TUSC3: variants seen among roughly 807,000 people sequenced by gnomAD.
The protein encoded by TUSC3 is tumor suppressor candidate 3.
Under a neutral mutation model 44.8 loss-of-function variants are expected in TUSC3, and 45 were observed. The ratio of observed to expected loss-of-function variants is 1.00; its 90% confidence interval spans 0.79 to 1.29. TUSC3 has a LOEUF of 1.29. Ranked by LOEUF, TUSC3 falls within the 50% of genes most tolerant of loss-of-function variation. The pLI is 0.00. For synonymous variants in TUSC3, 212 were observed against 152.9 expected (o/e 1.39, Z -2.85); for missense variants, 519 against 437.9 (o/e 1.19, Z -1.65).
rs543381177 is a variant in TUSC3 at position 15,626,954 on chromosome 8, C to T, written c.308+3705C>T. On this transcript the variant is annotated intron_variant, in intron 2 of 10. Coordinates refer to ENST00000503731, the MANE Select transcript of TUSC3 (RefSeq NM_006765.4). Reference sequence around the variant, plus strand: ...TGGAAGGGTCCTGATGAAACCCCACCTTCAAGCTTGGGAGGGCCTGAAGCC... The same window carrying T: ...TGGAAGGGTCCTGATGAAACCCCACTTTCAAGCTTGGGAGGGCCTGAAGCC... 1.3e-4 allele frequency among the ~76,000 whole-genome samples: 18 copies of T among 135,768 alleles called. 1 individual carries two copies. The highest frequency in any genetic ancestry group is 5.1e-4 in the African/African-American group (18 of 35,306). 89.1% of individuals were successfully genotyped at this position (135,768 alleles called of 152,430 possible).
chr8:15,797,281 G>A, the TUSC3 span, among the ~76,000 whole-genome samples: 64,045 of 152,000 alleles, frequency 0.42, 14,016 homozygotes, highest in Non-Finnish European at 0.45. Flanking sequence ...AAGGACAAGT[G>A]GAATGCCCAA....
intron 2 of TUSC3, among the ~76,000 whole-genome samples, chr8:15,522,965 A>C (rs1026956796): frequency 1.3e-4 from 20 of 152,138 alleles, no homozygotes; most frequent in African/African-American, 4.6e-4. Flanking sequence ...ATTGAAAACC[A>C]ATGCGAAGAT....
the TUSC3 span, among the ~76,000 whole-genome samples, chr8:15,839,656 G>A: frequency 3.3e-5 from 5 of 152,310 alleles, no homozygotes; most frequent in South Asian, 6.2e-4. Flanking sequence ...TCAGAGAAAT[G>A]CAAATCAAAA....
In TUSC3 at chr8:15,749,295, C is replaced by T. The variant is rs140122136; in HGVS notation, c.1028+830C>T. ...CTCCTCAAAGCCTACATTTCTTCCA[C>T]CTGTGAGCAGTGGACATTTTTAGAA... On this transcript the variant is annotated intron_variant, in intron 9 of 10. Transcript: ENST00000503731. 3.6e-4 allele frequency among the ~76,000 whole-genome samples: 55 copies of T among 152,252 alleles called. 1 individual carries two copies. The highest frequency in any genetic ancestry group is 1.2e-3 in the African/African-American group (50 of 41,540).
intron 10 of TUSC3, among the ~76,000 whole-genome samples, chr8:15,759,968 C>T (rs1812105363): frequency 6.6e-6 from 1 of 152,132 alleles, no homozygotes; most frequent in South Asian, 2.1e-4. Flanking sequence ...GCCTACATTA[C>T]TTTTCTGTTC....
chr8:15,769,044 G>T (rs1042730210), downstream of TUSC3, among the ~76,000 whole-genome samples: 1 of 152,082 alleles, frequency 6.6e-6, no homozygotes, highest in African/African-American at 2.4e-5. Context: ...ACCTGCCATT[G>T]ACTTTCTTTA....
intron 2 of TUSC3, among the ~76,000 whole-genome samples, chr8:15,524,285 A>T (rs979469140): frequency 6.6e-6 from 1 of 152,166 alleles, no homozygotes; most frequent in South Asian, 2.1e-4. Flanking sequence ...ATTTCAATAT[A>T]TCTACAAACC....
the TUSC3 span, among the ~76,000 whole-genome samples, chr8:15,778,580 G>C: frequency 6.6e-6 from 1 of 152,092 alleles, no homozygotes; most frequent in East Asian, 1.9e-4. Context: ...AACACAGTAA[G>C]TTTTCTCACC....
chr8:15,727,996 A>G (rs894546382), intron 6 of TUSC3, among the ~76,000 whole-genome samples: 14 of 152,192 alleles, frequency 9.2e-5, no homozygotes, highest in African/African-American at 3.4e-4. Context: ...CCTTATGTAT[A>G]CAAGAAATAA....
At chr8:15,434,712 T>C (rs1424956077) in intron 1 of TUSC3, among the ~76,000 whole-genome samples, 3 of 145,378 alleles carry the variant, frequency 2.1e-5, no homozygotes, top group South Asian at 4.7e-4. Context: ...CAGGCCCCGG[T>C]GTGTGATATT....
intron 2 of TUSC3, among the ~76,000 whole-genome samples, chr8:15,515,747 A>C (rs1585072608): frequency 6.6e-6 from 1 of 152,226 alleles, no homozygotes; most frequent in South Asian, 2.1e-4. Flanking sequence ...GGCCCACTGC[A>C]ACCTCTCCCT....
intron 2 of TUSC3, among the ~76,000 whole-genome samples, chr8:15,643,575 A>G (rs1035932362): frequency 6.6e-6 from 1 of 152,224 alleles, no homozygotes; most frequent in African/African-American, 2.4e-5. Flanking sequence ...GGAAAGATCT[A>G]CTTAGGTCTG....
intron 2 of TUSC3, among the ~76,000 whole-genome samples, chr8:15,521,374 G>C (rs972049045): frequency 3.3e-5 from 5 of 152,078 alleles, no homozygotes; most frequent in African/African-American, 1.2e-4. Context: ...AATGATTATA[G>C]GGAAGGAGTG....
chr8:15,757,937 G>A (rs182865619), intron 10 of TUSC3, 82 bp downstream of exon 10: 2 of 1,491,560 alleles, frequency 1.3e-6, no homozygotes, highest in South Asian at 1.2e-5. Context: ...CATAAGACAA[G>A]TTGTAGTAAA....
In TUSC3 at chr8:15,589,073, CTCT is replaced by C. The variant is rs576871908; in HGVS notation, c.139-34002_139-34000del. On this transcript the variant is annotated intron_variant, in intron 1 of 10. Transcript: ENST00000503731. The stretch of plus-strand genomic sequence containing the variant: ...ATCATTATGCAACGACTTTCTTTGT[CTCT>C]TCTTATTTTCTTACTAAATTTAAAG... Among the ~76,000 whole-genome samples the C allele has an allele frequency of 1.5e-3, 222 of 152,120 alleles. 1 individual carries two copies. The highest frequency in any genetic ancestry group is 5.3e-3 in the Admixed American group (81 of 15,262).
At chr8:15,518,436 C>T (rs1801251076) in intron 2 of TUSC3, among the ~76,000 whole-genome samples, 1 of 152,090 alleles carries the variant, frequency 6.6e-6, no homozygotes, top group Non-Finnish European at 1.5e-5. Context: ...TCAAGGCCTT[C>T]TCAAATCTGT....
At chr8:15,705,839 T>C (rs1809593638) in intron 6 of TUSC3, among the ~76,000 whole-genome samples, 1 of 152,052 alleles carries the variant, frequency 6.6e-6, no homozygotes, top group South Asian at 2.1e-4. Context: ...CCCTCCTTCA[T>C]GCTTTACAAC....
At chr8:15,846,054 T>C in the TUSC3 span, among the ~76,000 whole-genome samples, 134 of 152,204 alleles carry the variant, frequency 8.8e-4, 1 homozygote, top group African/African-American at 3.0e-3. Flanking sequence ...GTGAGACTTA[T>C]TCACTATCAC....
chr8:15,492,326 A>C (rs893384337), intron 2 of TUSC3, among the ~76,000 whole-genome samples: 1 of 152,200 alleles, frequency 6.6e-6, no homozygotes, highest in Non-Finnish European at 1.5e-5. Flanking sequence ...TTTAATATTA[A>C]AGTCACAGTT....
Sources: allele counts gnomAD v4.1 joint callset (sites outside exome capture counted in the v4.1 genomes callset), GRCh38; gene constraint gnomAD v4.1.1; transcripts MANE v1.5; gene names NCBI Gene and HGNC (gene_info 2026-07-23, HGNC 2026-07-21).